PLCB1: variants seen among roughly 807,000 people sequenced by gnomAD.
PLCB1 encodes the protein 1-phosphatidylinositol 4,5-bisphosphate phosphodiesterase beta-1.
Under a neutral mutation model 161.8 loss-of-function variants are expected in PLCB1, and 46 were observed. The observed-to-expected ratio is 0.28, with a 90% CI of 0.22 to 0.36. The LOEUF (loss-of-function observed/expected upper bound fraction) is 0.36, where lower values mean the gene tolerates loss of function less well. Among genes scored for constraint, PLCB1 ranks in the 10% least tolerant of loss-of-function variants. PLCB1 has a pLI of 1.00. For missense variants in PLCB1, 1,016 were observed against 1,472.5 expected (o/e 0.69, Z 5.07); for synonymous variants, 517 against 503.7 (o/e 1.03, Z -0.35).
At position 8,779,507 on chromosome 20, in the gene PLCB1, CAAAAAAAAAAAAAA is replaced by C. The variant is rs373073139; in HGVS notation, c.3111+4803_3111+4816del. ...AAGCTCTGTAGACTCCACTTTTGTG[CAAAAAAAAAAAAAA>C]AAAAAAAAAAAAAAGGATCTGTGTC... On this transcript the variant is annotated intron_variant, in intron 27 of 31. Transcript: ENST00000338037. Among the ~76,000 whole-genome samples the C allele has an allele frequency of 2.2e-3, 221 of 102,510 alleles. 9 individuals carry two copies. The South Asian group carries it at 0.062, about 29-fold the overall frequency. The allele number at this position is 102,510 out of a possible 152,430, so 67.3% of individuals were successfully genotyped here. A position where few individuals can be genotyped will look rare whatever the true frequency, so the allele number is the denominator to read the frequency against.
chr20:8,844,877 G>A (rs1003418473), intron 31 of PLCB1, among the ~76,000 whole-genome samples: 6 of 152,076 alleles, frequency 3.9e-5, no homozygotes, highest in South Asian at 2.1e-4. Context: ...TTGGGAGGCC[G>A]AGGCGGGCGG....
intron 3 of PLCB1, among the ~76,000 whole-genome samples, chr20:8,508,339 A>C (rs966647021): frequency 2.8e-4 from 42 of 152,290 alleles, no homozygotes; most frequent in African/African-American, 7.7e-4. Flanking sequence ...CTGGGGCTGA[A>C]CTTCTTCCTA....
chr20:8,725,778 C>A (rs1050894609), intron 16 of PLCB1, among the ~76,000 whole-genome samples: 1 of 152,062 alleles, frequency 6.6e-6, no homozygotes, highest in Non-Finnish European at 1.5e-5. Context: ...AGTTCCAAGA[C>A]AAGTAGCCAA....
At chr20:8,806,495 A>T (rs926280978) in intron 31 of PLCB1, among the ~76,000 whole-genome samples, 3 of 152,010 alleles carry the variant, frequency 2.0e-5, no homozygotes, top group Non-Finnish European at 4.4e-5. Context: ...CTTGCAAGCC[A>T]TTCGGCTTAT....
chr20:8,510,967 C>T (rs1057111082), intron 3 of PLCB1, among the ~76,000 whole-genome samples: 8 of 152,110 alleles, frequency 5.3e-5, no homozygotes, highest in Non-Finnish European at 8.8e-5. Flanking sequence ...ATATCCATCA[C>T]CTCACACACT....
At chr20:8,458,715 G>T (rs1981438720) in intron 3 of PLCB1, among the ~76,000 whole-genome samples, 1 of 152,136 alleles carries the variant, frequency 6.6e-6, no homozygotes, top group South Asian at 2.1e-4. Flanking sequence ...AAAGACATTT[G>T]AGGTTGTCAT....
intron 3 of PLCB1, among the ~76,000 whole-genome samples, chr20:8,615,154 T>C (rs1196781550): frequency 6.6e-6 from 1 of 152,222 alleles, no homozygotes; most frequent in Non-Finnish European, 1.5e-5. Context: ...TTGTATCTTA[T>C]TCTTTAAAGC....
At chr20:8,176,183 A>T (rs2051781697) in intron 2 of PLCB1, among the ~76,000 whole-genome samples, 1 of 152,212 alleles carries the variant, frequency 6.6e-6, no homozygotes, top group Admixed American at 6.5e-5. Context: ...CACACAAAAA[A>T]TCTGTACACA....
At chr20:8,464,867 A>T (rs1483201960) in intron 3 of PLCB1, among the ~76,000 whole-genome samples, 4 of 151,874 alleles carry the variant, frequency 2.6e-5, no homozygotes, top group Admixed American at 6.6e-5. Context: ...CACTCCCCTC[A>T]GCCCTCAGCT....
chr20:8,425,129 TG>T (rs1259608172), intron 3 of PLCB1, among the ~76,000 whole-genome samples: 6 of 107,932 alleles, frequency 5.6e-5, no homozygotes, highest in Non-Finnish European at 1.1e-4. Flanking sequence ...CATTCTGAGG[TG>T]TTTTTTTTTT....
intron 9 of PLCB1, among the ~76,000 whole-genome samples, chr20:8,665,566 A>G (rs1989790490): frequency 6.6e-6 from 1 of 152,168 alleles, no homozygotes; most frequent in Non-Finnish European, 1.5e-5. Context: ...CTGTGCACAA[A>G]TGGTCCTTTC....
intron 2 of PLCB1, among the ~76,000 whole-genome samples, chr20:8,309,676 C>T (rs1039567849): frequency 2.0e-5 from 3 of 152,150 alleles, no homozygotes; most frequent in Non-Finnish European, 4.4e-5. Flanking sequence ...TCCATAATTC[C>T]GTTGACAGCA....
At chr20:8,225,019 C>A (rs1416043591) in intron 2 of PLCB1, among the ~76,000 whole-genome samples, 1 of 152,136 alleles carries the variant, frequency 6.6e-6, no homozygotes, top group Non-Finnish European at 1.5e-5. Context: ...ATGTGTCCAT[C>A]ACTTCTTTAA....
chr20:8,465,338 G>A (rs921415599), intron 3 of PLCB1, among the ~76,000 whole-genome samples: 1 of 152,016 alleles, frequency 6.6e-6, no homozygotes, highest in Non-Finnish European at 1.5e-5. Context: ...CTCAAATACC[G>A]ACCAGGTTGT....
chr20:8,774,732 A>G lies in PLCB1; in HGVS notation c.3111+13A>G, dbSNP rs146826637. ...ACATATTAAACTGGTGAGCCTGAGA[A>G]ACATGATTTATGTTTGTGCAACTGG... is the stretch of plus-strand genomic sequence containing the variant. On this transcript the variant is annotated intron_variant, in intron 27 of 31. Transcript: ENST00000338037. 8 of 1,578,282 alleles carry G rather than the reference A, an allele frequency of 5.1e-6. No individual in the cohort carries two copies. The East Asian group carries it at 1.8e-4, about 36-fold the overall frequency.
intron 3 of PLCB1, among the ~76,000 whole-genome samples, chr20:8,505,780 G>A (rs1983614470): frequency 6.6e-6 from 1 of 152,146 alleles, no homozygotes; most frequent in Non-Finnish European, 1.5e-5. Flanking sequence ...TCTTGGAGCT[G>A]GTAATTATGT....
rs537070392 is a variant in PLCB1 at position 8,398,648 on chromosome 20, C to T, written c.246+27198C>T. On this transcript the variant is annotated intron_variant, in intron 3 of 31. Coordinates refer to ENST00000338037, the MANE Select transcript of PLCB1 (RefSeq NM_015192.4). ...GGGCTCCACCCTCATGGCCTAATCA[C>T]TTCCCAAAGTCCCTACCTCCAACGC... is the stretch of plus-strand genomic sequence containing the variant. Among the ~76,000 whole-genome samples the T allele has an allele frequency of 3.3e-5, 5 of 152,308 alleles. No homozygotes were observed. In the South Asian group the frequency reaches 1.0e-3, roughly 32 times the overall value.
At chr20:8,633,883 G>C (rs1252742283) in intron 4 of PLCB1, among the ~76,000 whole-genome samples, 2 of 151,998 alleles carry the variant, frequency 1.3e-5, no homozygotes, top group African/African-American at 4.8e-5. Context: ...ATACAATAAA[G>C]TCTTTTTGGT....
intron 3 of PLCB1, among the ~76,000 whole-genome samples, chr20:8,595,336 C>T (rs28677979): frequency 2.8e-5 from 4 of 143,396 alleles, no homozygotes; most frequent in East Asian, 2.1e-4. Context: ...CACCTATGAG[C>T]GAGAATATGC....
Sources: allele counts gnomAD v4.1 joint callset (sites outside exome capture counted in the v4.1 genomes callset), GRCh38; gene constraint gnomAD v4.1.1; transcripts MANE v1.5; gene names NCBI Gene and HGNC (gene_info 2026-07-23, HGNC 2026-07-21).